Variants in FOXK1 observed in about 807,000 individuals in gnomAD.
FOXK1 encodes forkhead box protein K1.
A neutral mutation model predicts 51.9 loss-of-function variants in FOXK1; 19 were observed. The observed-to-expected ratio is 0.37, with a 90% CI of 0.26 to 0.54. The LOEUF (loss-of-function observed/expected upper bound fraction) is 0.54. Ranked by LOEUF, FOXK1 falls within the 20% of genes least tolerant of loss-of-function variation. The pLI, the probability that FOXK1 is intolerant of heterozygous loss-of-function variation, is 0.87. For missense variants in FOXK1, 870 were observed against 1,032.7 expected (o/e 0.84, Z 2.16); for synonymous variants, 537 against 482.6 (o/e 1.11, Z -1.48).
intron 7 of FOXK1, among the ~76,000 whole-genome samples, chr7:4,760,471 A>T (rs1192890098): frequency 6.6e-6 from 1 of 152,214 alleles, no homozygotes; most frequent in East Asian, 1.9e-4. Context: ...AGGCCAAGTT[A>T]CAGCTGTAAT....
intron 2 of FOXK1, among the ~76,000 whole-genome samples, chr7:4,751,551 C>T (rs1780777930): frequency 6.6e-6 from 1 of 152,166 alleles, no homozygotes; most frequent in Non-Finnish European, 1.5e-5. Context: ...GCAGCCTCTG[C>T]TTCCCGCCTC....
chr7:4,737,465 T>C (rs1440974946), intron 1 of FOXK1, among the ~76,000 whole-genome samples: 2 of 149,832 alleles, frequency 1.3e-5, no homozygotes, highest in Non-Finnish European at 2.9e-5. Context: ...CGTGTGCATG[T>C]GTGTGTGTGC....
At position 4,758,773 on chromosome 7, in the gene FOXK1, G is replaced by A; in HGVS notation, c.1245-278G>A. On this transcript the variant is annotated intron_variant, in intron 5 of 8. Coordinates refer to ENST00000328914, the MANE Select transcript of FOXK1 (RefSeq NM_001037165.2). This position sits in a 1 kb window ranked among gnomAD's most constrained non-coding sequence, Gnocchi z 4.4. ...ATGGACACCTGGCTGGACCTCGGTG[G>A]AAGTGAACTCCGTAGGTTGTTGCGT... 1 of 412,604 alleles carries A rather than the reference G, an allele frequency of 2.4e-6. No individual in the cohort carries two copies. Among genetic ancestry groups the A allele is most frequent in the Non-Finnish European group, 4.3e-6 (1 of 232,206 alleles). 25.6% of individuals were successfully genotyped at this position (412,604 alleles called of 1,614,324 possible). A position where few individuals can be genotyped will look rare whatever the true frequency, so the allele number is the denominator to read the frequency against.
At position 4,762,727 on chromosome 7, in the gene FOXK1, A is replaced by C; in HGVS notation, c.*263A>C. On this transcript the variant is annotated 3_prime_UTR_variant, in exon 9 of 9. Transcript: ENST00000328914. This position sits in a 1 kb window ranked among gnomAD's most constrained non-coding sequence, Gnocchi z 5.7. ...TTTCCTTTCCTTCTCCCTCGGCACC[A>C]CCTCCTCTCCCCAGGCCTCCCTGTC... The C allele has an allele frequency of 4.4e-6, 2 of 456,920 alleles. No homozygotes were observed. Among genetic ancestry groups the C allele is most frequent in the Non-Finnish European group, 8.0e-6 (2 of 249,784 alleles). The allele number at this position is 456,920 out of a possible 1,614,324, so 28.3% of individuals were successfully genotyped here. A position where few individuals can be genotyped will look rare whatever the true frequency, so the allele number is the denominator to read the frequency against.
intron 1 of FOXK1, among the ~76,000 whole-genome samples, chr7:4,701,555 G>A (rs1389037820): frequency 1.3e-5 from 2 of 152,140 alleles, no homozygotes; most frequent in Non-Finnish European, 2.9e-5. Flanking sequence ...CAGGAGTTCG[G>A]GACCAGTCTG....
rs1241060234 is a variant in FOXK1, at chr7:4,745,691, G to A, written c.746+4668G>A. Among the ~76,000 whole-genome samples the A allele has an allele frequency of 6.6e-6, 1 of 151,964 alleles. No individual in the cohort carries two copies. Among genetic ancestry groups the A allele is most frequent in the Non-Finnish European group, 1.5e-5 (1 of 68,008 alleles). ...GGCTGAGGCAGGCGGATCACCTGAG[G>A]TCAGGAGTTCGAGACCAGCCTGGTC... On this transcript the variant is annotated intron_variant, in intron 2 of 8. Transcript: ENST00000328914. The surrounding 1 kb of genome is among the most constrained non-coding windows in gnomAD (Gnocchi z 4.3).
chr7:4,693,891 T>A (rs552198411), intron 1 of FOXK1, among the ~76,000 whole-genome samples: 1 of 150,812 alleles, frequency 6.6e-6, no homozygotes, highest in African/African-American at 2.4e-5. Flanking sequence ...ATAACAAAAG[T>A]TTTTTTTCTG....
In FOXK1 at chr7:4,730,367, T is replaced by C. The variant is rs933561050; in HGVS notation, c.561-10471T>C. Among the ~76,000 whole-genome samples the C allele has an allele frequency of 2.0e-5, 3 of 152,194 alleles. No homozygotes were observed. Among genetic ancestry groups the C allele is most frequent in the Non-Finnish European group, 2.9e-5 (2 of 68,048 alleles). ...GTCTCTGACCACCCTGCTACCCAGC[T>C]TGCCACCGCTGTCAGCCGTGGGGTT... On this transcript the variant is annotated intron_variant, in intron 1 of 8. Transcript: ENST00000328914. The surrounding 1 kb of genome is among the most constrained non-coding windows in gnomAD (Gnocchi z 4.7).
chr7:4,740,765 G>A (rs992323175), intron 1 of FOXK1, 73 bp from the exon 2 acceptor site: 59 of 1,467,492 alleles, frequency 4.0e-5, no homozygotes, highest in Middle Eastern at 1.7e-4. Context: ...ACACAGACAC[G>A]CACCTTCCCT....
chr7:4,692,164 A>G (rs891563123), intron 1 of FOXK1, among the ~76,000 whole-genome samples: 11 of 152,202 alleles, frequency 7.2e-5, no homozygotes, highest in African/African-American at 2.7e-4. Context: ...CAAGAAAAGA[A>G]TAAGAGTTTT....
intron 1 of FOXK1, among the ~76,000 whole-genome samples, chr7:4,712,178 G>T (rs892651669): frequency 1.3e-5 from 2 of 151,960 alleles, no homozygotes; most frequent in Non-Finnish European, 2.9e-5. Flanking sequence ...TCCCTTCCCC[G>T]ATGGTCGCCT....
intron 1 of FOXK1, among the ~76,000 whole-genome samples, chr7:4,699,738 T>A (rs1033654063): frequency 6.6e-6 from 1 of 152,170 alleles, no homozygotes; most frequent in African/African-American, 2.4e-5. Flanking sequence ...AGTTGCTGTG[T>A]TTTTTCTTTT....
At chr7:4,741,146 GA>G in intron 2 of FOXK1, 123 bp downstream of exon 2, 1 of 673,776 alleles carries the variant, frequency 1.5e-6, no homozygotes, top group Non-Finnish European at 2.3e-6. Flanking sequence ...TGGAAATACA[GA>G]AAGTGTTGTA....
At position 4,759,264 on chromosome 7, in the gene FOXK1, G is replaced by A. The variant is rs749458058; in HGVS notation, c.1411+47G>A. 10 of 1,606,106 alleles carry A rather than the reference G, an allele frequency of 6.2e-6. No homozygotes were observed. In the South Asian group the frequency reaches 7.7e-5, roughly 12 times the overall value. On this transcript the variant is annotated intron_variant, in intron 6 of 8. Transcript: ENST00000328914. ...TGCGGGGCGGGGCGGGGCGGGACTC[G>A]TGGGGGTGCGGGAGGGGTCACCGTC...
At position 4,731,687 on chromosome 7, in the gene FOXK1, A is replaced by G. The variant is rs1202152819; in HGVS notation, c.561-9151A>G. Among the ~76,000 whole-genome samples, 1 of 147,240 alleles carries G rather than the reference A, an allele frequency of 6.8e-6. No individual in the cohort carries two copies. The highest frequency in any genetic ancestry group is 1.5e-5 in the Non-Finnish European group (1 of 67,280). On this transcript the variant is annotated intron_variant, in intron 1 of 8. Transcript: ENST00000328914. This position sits in a 1 kb window ranked among gnomAD's most constrained non-coding sequence, Gnocchi z 5.3. ...AGGCAGGAGAATCGCTTGGACCTGGAGGCGGAGGTTGCAGTGAGCTGAGAT... is the reference window on the plus strand; with the variant it reads ...AGGCAGGAGAATCGCTTGGACCTGGGGGCGGAGGTTGCAGTGAGCTGAGAT...
In FOXK1 at chr7:4,753,485, C is replaced by T. The variant is rs901816168; in HGVS notation, c.747-974C>T. ...GCAGCAGGGAGCATCCTACCCGCCA[C>T]GGGGGCTCTAAGTCAGCTGAGAGGG... On this transcript the variant is annotated intron_variant, in intron 2 of 8. Coordinates refer to ENST00000328914, the MANE Select transcript of FOXK1 (RefSeq NM_001037165.2). This position sits in a 1 kb window ranked among gnomAD's most constrained non-coding sequence, Gnocchi z 4.9. Among the ~76,000 whole-genome samples, 13 of 151,960 alleles carry T rather than the reference C, an allele frequency of 8.6e-5. No homozygotes were observed. The highest frequency in any genetic ancestry group is 1.6e-4 in the Non-Finnish European group (11 of 67,980).
chr7:4,718,177 CG>C (rs1341248046), intron 1 of FOXK1, among the ~76,000 whole-genome samples: 4 of 152,180 alleles, frequency 2.6e-5, no homozygotes, highest in Non-Finnish European at 1.5e-5. Context: ...TCCTCCGACG[CG>C]TCCATCAGCA....
chr7:4,702,084 C>T (rs1037873435), intron 1 of FOXK1, among the ~76,000 whole-genome samples: 1 of 151,996 alleles, frequency 6.6e-6, no homozygotes, highest in Non-Finnish European at 1.5e-5. Context: ...CAAAAAAAAC[C>T]CCAAAAAGCA....
chr7:4,708,566 A>G (rs1048854091), intron 1 of FOXK1, among the ~76,000 whole-genome samples: 2 of 152,264 alleles, frequency 1.3e-5, no homozygotes, highest in African/African-American at 2.4e-5. Flanking sequence ...TAAGAAATTG[A>G]TATCATAAAA....
Sources: gnomAD v4.1 joint callset for allele counts (sites outside exome capture counted in the v4.1 genomes callset) on GRCh38, gnomAD v4.1.1 for gene constraint, Gnocchi (gnomAD v3.1) non-coding constraint, MANE v1.5 for transcripts, NCBI Gene and HGNC (gene_info 2026-07-23, HGNC 2026-07-21) for gene names.